The following RPL39 variants were observed in gnomAD, a reference collection of about 807,000 sequenced individuals.
The protein encoded by RPL39 is large ribosomal subunit protein eL39.
For synonymous variants in RPL39, 8 were observed against 11.4 expected, an observed-to-expected ratio of 0.70 and a Z score of 0.60; for missense variants, 6 against 37.2, an observed-to-expected ratio of 0.16 and a Z score of 2.18.
In RPL39 at chrX:119,791,209, C is replaced by A. The variant is rs186546235; in HGVS notation, c.3+365G>T. The A allele has an allele frequency of 1.3e-3, 269 of 212,361 alleles. 1 individual carries two copies. The highest frequency in any genetic ancestry group is 7.4e-3 in the African/African-American group (253 of 34,219). 17.5% of individuals were successfully genotyped at this position (212,361 alleles called of 1,213,427 possible). ...ATTACCCTCCACGTTGCGCATGCCACGGGCAGCCCACAGTCAGGCCACGAT... is the reference window on the plus strand; with the variant it reads ...ATTACCCTCCACGTTGCGCATGCCAAGGGCAGCCCACAGTCAGGCCACGAT... On this transcript the variant is annotated intron_variant, in intron 1 of 2. Coordinates refer to ENST00000361575, the MANE Select transcript of RPL39 (RefSeq NM_001000.4).
At chrX:119,787,316 T>A (rs770141417) in intron 2 of RPL39, 12 of 361,854 alleles carry the variant, frequency 3.3e-5, no homozygotes, top group Non-Finnish European at 6.4e-5. Flanking sequence ...GATCAACTCC[T>A]CCATTCACGT....
At position 119,788,361 on chromosome X, in the gene RPL39, G is replaced by A. The variant is rs12688445; in HGVS notation, c.107+1547C>T. The stretch of plus-strand genomic sequence containing the variant: ...AGCCTGGCCAAGATGGTGAAACCCC[G>A]TCTCTACTAAAAATACAAAAATTAG... On this transcript the variant is annotated intron_variant, in intron 2 of 2. Transcript: ENST00000361575. 6.9e-3 allele frequency among the ~76,000 whole-genome samples: 760 copies of A among 110,367 alleles called. 16 individuals carry two copies. In the East Asian group the frequency reaches 0.076, roughly 11 times the overall value.
rs758530330 is a variant in RPL39 at position 119,791,569 on chromosome X, C to G, written c.3+5G>C. The stretch of plus-strand genomic sequence containing the variant: ...CCCGGGGCCGATGGGGGCCGATGGA[C>G]TTACCATGGCGAGCAGCGGAGTCAA... On this transcript the variant is annotated splice_donor_5th_base_variant and intron_variant, in intron 1 of 2. Transcript: ENST00000361575. 1 of 1,173,553 alleles carries G rather than the reference C, an allele frequency of 8.5e-7. No individual in the cohort carries two copies. Among genetic ancestry groups the G allele is most frequent in the Non-Finnish European group, 1.1e-6 (1 of 875,441 alleles).
chrX:119,787,738 A>C (rs2055675705), intron 2 of RPL39, among the ~76,000 whole-genome samples: 1 of 110,928 alleles, frequency 9.0e-6, no homozygotes, highest in African/African-American at 3.3e-5. Flanking sequence ...GCAGCCTGTG[A>C]ATTCCTGGGC....
chrX:119,791,257 C>T (rs2055699153), intron 1 of RPL39: 1 of 256,142 alleles, frequency 3.9e-6, no homozygotes, highest in Non-Finnish European at 7.3e-6. Context: ...TGCCACCTCC[C>T]ACCCCCCGCC....
At chrX:119,787,458 T>C (rs1353496134) in intron 2 of RPL39, 3 of 372,279 alleles carry the variant, frequency 8.1e-6, no homozygotes, top group African/African-American at 7.7e-5. Flanking sequence ...TTCCACAAAA[T>C]GAAGCACTGT....
chrX:119,790,249 A>G (rs2055692163), intron 1 of RPL39: 1 of 299,672 alleles, frequency 3.3e-6, no homozygotes, highest in African/African-American at 2.6e-5. Context: ...AACATGCACA[A>G]AATCAGAGCA....
At chrX:119,790,258 C>A (rs1208719202) in intron 1 of RPL39, 6 of 277,865 alleles carry the variant, frequency 2.2e-5, no homozygotes, top group Admixed American at 1.1e-4. Context: ...AAAATCAGAG[C>A]ATCAATGTGC....
At position 119,791,558 on chromosome X, in the gene RPL39, G is replaced by GGGCCGATGGA. The variant is rs1417702858; in HGVS notation, c.3+6_3+15dup. On this transcript the variant is annotated intron_variant, in intron 1 of 2. Transcript: ENST00000361575. Reference sequence around the variant, plus strand: ...TGGGAAGCCACCCCGGGGCCGATGGGGGCCGATGGACTTACCATGGCGAGC... The same window carrying GGGCCGATGGA: ...TGGGAAGCCACCCCGGGGCCGATGGGGGCCGATGGAGGCCGATGGACTTACCATGGCGAGC... 5.1e-6 allele frequency: 6 copies of GGGCCGATGGA among 1,165,099 alleles called. No homozygotes were observed. The African/African-American group carries it at 9.0e-5, about 17-fold the overall frequency.
chrX:119,786,875 T>TA (rs1024314722), intron 2 of RPL39, 143 bp from the exon 3 acceptor site: 5 of 457,798 alleles, frequency 1.1e-5, no homozygotes, highest in East Asian at 3.7e-5. Context: ...TTCTGGAGAG[T>TA]AAAAAAAATA....
At chrX:119,789,328 G>C (rs1344934059) in intron 2 of RPL39, among the ~76,000 whole-genome samples, 1 of 110,169 alleles carries the variant, frequency 9.1e-6, no homozygotes, top group Non-Finnish European at 1.9e-5. Flanking sequence ...AAGCCGAGAG[G>C]GGCAGATCAC....
At chrX:119,791,385 A>C (rs888209056) in intron 1 of RPL39, 189 bp downstream of exon 1, 1 of 337,081 alleles carries the variant, frequency 3.0e-6, no homozygotes. Flanking sequence ...GTCCCTCTCC[A>C]GGTTGCTCGC....
At chrX:119,787,127 C>G (rs2055670881) in intron 2 of RPL39, among the ~76,000 whole-genome samples, 1 of 111,052 alleles carries the variant, frequency 9.0e-6, no homozygotes, top group Non-Finnish European at 1.9e-5. Flanking sequence ...CGCCCGCCCC[C>G]CCAACACCAC....
At chrX:119,787,097 T>C (rs942655156) in intron 2 of RPL39, among the ~76,000 whole-genome samples, 4 of 85,673 alleles carry the variant, frequency 4.7e-5, no homozygotes, top group Non-Finnish European at 1.1e-4. Context: ...TCCCGCATGA[T>C]ATTTTTTTTG....
intron 1 of RPL39, 147 bp from the exon 2 acceptor site, chrX:119,790,158 GTC>G: frequency 2.5e-6 from 1 of 401,439 alleles, no homozygotes; most frequent in Middle Eastern, 3.7e-4. Flanking sequence ...AGCCAAGCAA[GTC>G]TCTGACCCTC....
intron 2 of RPL39, among the ~76,000 whole-genome samples, chrX:119,789,049 G>A (rs2055684280): frequency 9.0e-6 from 1 of 111,343 alleles, no homozygotes; most frequent in Non-Finnish European, 1.9e-5. Context: ...AGGATTGCTT[G>A]AGCTCAGGAG....
chrX:119,787,799 G>A (rs1485157365), intron 2 of RPL39, among the ~76,000 whole-genome samples: 2 of 110,859 alleles, frequency 1.8e-5, no homozygotes, highest in Non-Finnish European at 3.8e-5. Flanking sequence ...CTACAAGCAC[G>A]TGCCACCAAG....
Position 119,789,978 on chromosome X carries a change from G to A in RPL39, c.37C>T (p.Leu13=), listed in dbSNP as rs199649169. The A allele has an allele frequency of 8.5e-7, 1 of 1,179,369 alleles. No homozygotes were observed. Among genetic ancestry groups the A allele is most frequent in the Non-Finnish European group, 1.2e-6 (1 of 868,245 alleles). The change falls in exon 2 of 3, where the codon CTG becomes TTG. Residue 13 remains leucine (L), a synonymous_variant. Transcript: ENST00000361575. The part of the protein sequence containing the change: ...SHKTFRIKRF[L]AKKQKQNRPI... The stretch of plus-strand genomic sequence containing the variant: ...CGATTTTGCTTTTGTTTCTTGGCCA[G>A]GAATCGCTTAATCCTGAAAGTCTTG...
At position 119,786,634 on chromosome X, in the gene RPL39, T is replaced by A. The variant is rs1318632033; in HGVS notation, c.*50A>T. The A allele has an allele frequency of 1.0e-6, 1 of 953,104 alleles. No individual in the cohort carries two copies. The highest frequency in any genetic ancestry group is 2.5e-5 in the Admixed American group (1 of 40,697). 78.5% of individuals were successfully genotyped at this position (953,104 alleles called of 1,213,427 possible). ...TTTTCAGCTTGATATGGTAACATGA[T>A]CGTGACCTTCAGACAGCATAAATAT... On this transcript the variant is annotated 3_prime_UTR_variant, in exon 3 of 3. Coordinates refer to ENST00000361575, the MANE Select transcript of RPL39 (RefSeq NM_001000.4).
Sources: allele counts gnomAD v4.1 joint callset (sites outside exome capture counted in the v4.1 genomes callset), GRCh38; gene constraint gnomAD v4.1.1; transcripts MANE v1.5; gene names NCBI Gene and HGNC (gene_info 2026-07-23, HGNC 2026-07-21).